The following NRP1 variants were observed in gnomAD, a reference collection of about 807,000 sequenced individuals.
The protein encoded by NRP1 is neuropilin 1, also known as neuropilin-1.
In NRP1, 35 loss-of-function variants were observed where a neutral mutation model predicts 106.7. The observed-to-expected ratio is 0.33, with a 90% CI of 0.25 to 0.43. The LOEUF (loss-of-function observed/expected upper bound fraction) is 0.43. Ranked by LOEUF, NRP1 falls within the 20% of genes least tolerant of loss-of-function variation. NRP1 has a pLI of 1.00. For synonymous variants in NRP1, 437 were observed against 417.9 expected, an observed-to-expected ratio of 1.05 and a Z score of -0.56; for missense variants, 1,024 against 1,170.4, an observed-to-expected ratio of 0.87 and a Z score of 1.83.
At chr10:33,310,267 T>TTTC (rs1441841552) in intron 2 of NRP1, among the ~76,000 whole-genome samples, 3 of 140,220 alleles carry the variant, frequency 2.1e-5, no homozygotes, top group Non-Finnish European at 4.6e-5. Flanking sequence ...TTTTTTTTTT[T>TTTC]CGAGACAGAG....
At chr10:33,197,754 C>G in intron 11 of NRP1, 45 bp from the exon 12 acceptor site, 3 of 1,178,262 alleles carry the variant, frequency 2.5e-6, no homozygotes, top group Admixed American at 1.8e-5. Context: ...AAAACAGTAG[C>G]GAATATGCAG....
chr10:33,322,720 G>A (rs956059183), intron 2 of NRP1, among the ~76,000 whole-genome samples: 2 of 152,192 alleles, frequency 1.3e-5, no homozygotes, highest in African/African-American at 4.8e-5. Flanking sequence ...TTGGTTGAAA[G>A]TTTCTATGCA....
intron 8 of NRP1, among the ~76,000 whole-genome samples, chr10:33,214,639 T>A (rs569908383): frequency 6.6e-6 from 1 of 152,200 alleles, no homozygotes; most frequent in East Asian, 1.9e-4. Context: ...TTTCAGAAAA[T>A]GTTGTTTTAA....
intron 3 of NRP1, among the ~76,000 whole-genome samples, chr10:33,266,948 C>T (rs922713844): frequency 2.0e-5 from 3 of 152,102 alleles, no homozygotes; most frequent in Non-Finnish European, 4.4e-5. Context: ...AGGAGAATGG[C>T]GTGAACCCGG....
At chr10:33,253,232 C>A (rs1445331538) in intron 6 of NRP1, among the ~76,000 whole-genome samples, 1 of 151,980 alleles carries the variant, frequency 6.6e-6, no homozygotes, top group Non-Finnish European at 1.5e-5. Flanking sequence ...GTGGGAATAC[C>A]CAGATATCAA....
intron 2 of NRP1, among the ~76,000 whole-genome samples, chr10:33,276,943 T>A (rs1293549080): frequency 6.6e-6 from 1 of 151,852 alleles, no homozygotes; most frequent in African/African-American, 2.4e-5. Flanking sequence ...CTCTACAAAA[T>A]TTTTTTAAAA....
chr10:33,317,887 T>C (rs1024332238), intron 2 of NRP1, among the ~76,000 whole-genome samples: 2 of 152,214 alleles, frequency 1.3e-5, no homozygotes, highest in African/African-American at 2.4e-5. Flanking sequence ...GCATAGATAC[T>C]ATCTCTGTTG....
intron 2 of NRP1, among the ~76,000 whole-genome samples, chr10:33,300,420 C>T (rs1420140617): frequency 7.2e-5 from 11 of 152,192 alleles, no homozygotes; most frequent in African/African-American, 2.4e-4. Context: ...CTTTGGACAG[C>T]GGCCAGGAGA....
intron 2 of NRP1, among the ~76,000 whole-genome samples, chr10:33,329,013 G>C (rs941809035): frequency 2.0e-5 from 3 of 151,864 alleles, no homozygotes; most frequent in Non-Finnish European, 4.4e-5. Context: ...GTTTAAACAT[G>C]GTCAAAAAGC....
chr10:33,260,950 A>G (rs1161375682), intron 4 of NRP1, among the ~76,000 whole-genome samples: 1 of 148,284 alleles, frequency 6.7e-6, no homozygotes, highest in East Asian at 2.0e-4. Context: ...TGTATGTTGA[A>G]CTACTATGAC....
chr10:33,318,385 G>C (rs551843810), intron 2 of NRP1, among the ~76,000 whole-genome samples: 1 of 152,250 alleles, frequency 6.6e-6, no homozygotes, highest in South Asian at 2.1e-4. Context: ...TAATTCACCA[G>C]AACTCTTTTT....
chr10:33,299,389 C>T (rs530315399), intron 2 of NRP1, among the ~76,000 whole-genome samples: 7 of 152,298 alleles, frequency 4.6e-5, no homozygotes, highest in African/African-American at 1.7e-4. Context: ...CTGTTGTACT[C>T]CCCAGAATTG....
intron 8 of NRP1, among the ~76,000 whole-genome samples, chr10:33,220,258 T>C (rs558887500): frequency 6.6e-6 from 1 of 152,342 alleles, no homozygotes; most frequent in South Asian, 2.1e-4. Flanking sequence ...CAAAGTGATT[T>C]TTTTTCCTTC....
chr10:33,185,545 T>G (rs887185893), intron 15 of NRP1, 83 bp downstream of exon 15: 61 of 1,050,296 alleles, frequency 5.8e-5, no homozygotes, highest in Non-Finnish European at 8.7e-5. Context: ...TAGGTAGAAA[T>G]GAGCAAAACA....
In NRP1 at chr10:33,180,359, G is replaced by A. The variant is rs750320738; in HGVS notation, c.2489C>T (p.Thr830Met). Residue 830 changes from threonine (T) to methionine (M), a missense_variant, in exon 17 of 17, where the codon ACG (threonine) becomes ATG (methionine). Thr to Met is a moderately conservative substitution (Grantham distance 81). Around this residue, in one of 5 missense-constraint regions of NRP1, gnomAD observed 164 missense variants for 161.4 expected, o/e 1.02. Transcript: ENST00000374867. ...PEIKIDETGS[T>M]PGYEGEGEGD... ...TTCTCCTTCACCTTCGTATCCTGGC[G>A]TGCTCCCTATGGAAAAAAACAATAT... 11 of 1,589,590 alleles carry A rather than the reference G, an allele frequency of 6.9e-6. No individual in the cohort carries two copies. Among genetic ancestry groups the A allele is most frequent in the East Asian group, 4.5e-5 (2 of 44,360 alleles).
At chr10:33,207,769 C>T (rs1479326221) in intron 9 of NRP1, 53 bp from the exon 10 acceptor site, 4 of 1,584,664 alleles carry the variant, frequency 2.5e-6, no homozygotes, top group Non-Finnish European at 3.4e-6. Flanking sequence ...ACAGAGCTCC[C>T]TTTTAGCAAC....
intron 6 of NRP1, among the ~76,000 whole-genome samples, chr10:33,230,637 G>A (rs950760250): frequency 7.1e-6 from 1 of 140,088 alleles, no homozygotes; most frequent in African/African-American, 2.7e-5. Context: ...GTGTGTGTGT[G>A]TATGTATCTC....
At chr10:33,305,761 A>G (rs1846107180) in intron 2 of NRP1, among the ~76,000 whole-genome samples, 1 of 150,330 alleles carries the variant, frequency 6.7e-6, no homozygotes, top group Non-Finnish European at 1.5e-5. Context: ...AAAAAAAAAA[A>G]TCTGTTCTTT....
intron 2 of NRP1, among the ~76,000 whole-genome samples, chr10:33,284,927 C>T (rs541588488): frequency 9.9e-5 from 15 of 151,976 alleles, no homozygotes; most frequent in Non-Finnish European, 2.2e-4. Context: ...TTTGCACAAG[C>T]ACAGATCAGA....
Sources: allele counts gnomAD v4.1 joint callset (sites outside exome capture counted in the v4.1 genomes callset), GRCh38; gene constraint gnomAD v4.1.1; regional missense constraint gnomAD v4.1.1; transcripts MANE v1.5; gene names NCBI Gene and HGNC (gene_info 2026-07-23, HGNC 2026-07-21).